The following MTUS1 variants were observed in gnomAD, a reference collection of about 807,000 sequenced individuals.
MTUS1 encodes microtubule-associated tumor suppressor 1.
A neutral mutation model predicts 120.8 loss-of-function variants in MTUS1; 109 were observed. The observed-to-expected ratio is 0.90, with a 90% CI of 0.77 to 1.06. MTUS1 has a LOEUF of 1.06. MTUS1 is among the 50% of genes least tolerant of loss of function. MTUS1 has a pLI of 0.00. For missense variants in MTUS1, 2,210 were observed against 1,486.3 expected, an observed-to-expected ratio of 1.49 and a Z score of -8.01; for synonymous variants, 737 against 550.5, an observed-to-expected ratio of 1.34 and a Z score of -4.74.
intron 6 of MTUS1, among the ~76,000 whole-genome samples, chr8:17,702,752 T>C (rs71526150): frequency 0.029 from 4,357 of 152,310 alleles, 67 homozygotes; most frequent in Middle Eastern, 0.048. Context: ...ATATATGCCA[T>C]ATTTGCTTTA....
At chr8:17,675,305 T>C (rs75674924) in intron 7 of MTUS1, 53 bp from the exon 8 acceptor site, 25,063 of 1,532,020 alleles carry the variant, frequency 0.016, 406 homozygotes, top group African/African-American at 0.064. Flanking sequence ...TCCCTTTCAG[T>C]AAGGTACACA....
At chr8:17,787,007 T>C (rs935897095) in intron 1 of MTUS1, among the ~76,000 whole-genome samples, 3 of 152,200 alleles carry the variant, frequency 2.0e-5, no homozygotes, top group South Asian at 2.1e-4. Flanking sequence ...TTGACAAGCA[T>C]TGTGGAGTGA....
chr8:17,687,585 G>A (rs1273813537), intron 6 of MTUS1, among the ~76,000 whole-genome samples: 1 of 152,086 alleles, frequency 6.6e-6, no homozygotes, highest in East Asian at 1.9e-4. Flanking sequence ...TGATTTTAAA[G>A]GGCCAATTTA....
chr8:17,678,662 G>GT (rs1272298479), intron 7 of MTUS1, among the ~76,000 whole-genome samples: 77 of 146,764 alleles, frequency 5.2e-4, no homozygotes, highest in African/African-American at 1.8e-3. Context: ...ATGCATCTAT[G>GT]TTTTTTTGTT....
At chr8:17,711,174 G>T (rs1303989195) in intron 6 of MTUS1, among the ~76,000 whole-genome samples, 1 of 152,204 alleles carries the variant, frequency 6.6e-6, no homozygotes, top group African/African-American at 2.4e-5. Flanking sequence ...ATTACCAGAA[G>T]TATTAGCTTC....
chr8:17,657,198 T>C (rs1302556367), intron 8 of MTUS1, among the ~76,000 whole-genome samples: 2 of 150,180 alleles, frequency 1.3e-5, no homozygotes, highest in African/African-American at 2.5e-5. Context: ...AGCACAAATA[T>C]CTTAGGGAAA....
chr8:17,753,164 A>G (rs1353255451), intron 2 of MTUS1, among the ~76,000 whole-genome samples: 1 of 152,164 alleles, frequency 6.6e-6, no homozygotes, highest in Non-Finnish European at 1.5e-5. Context: ...CAATCCTTTC[A>G]TCTTTGGGTC....
In MTUS1 at chr8:17,697,166, C is replaced by G. The variant is rs568921048; in HGVS notation, c.2624-12624G>C. ...GAGAGAGCTTTTTTCCTCCAATTAT[C>G]TGTCTCCTTGGAAAAACCTCTGATA... On this transcript the variant is annotated intron_variant, in intron 6 of 14. Transcript: ENST00000693296. 3.0e-4 allele frequency: 430 copies of G among 1,449,188 alleles called. 4 individuals carry two copies. The South Asian group carries it at 6.3e-3, about 21-fold the overall frequency. 89.8% of individuals were successfully genotyped at this position (1,449,188 alleles called of 1,614,324 possible).
chr8:17,689,399 G>A (rs1585710903), intron 6 of MTUS1, among the ~76,000 whole-genome samples: 1 of 152,102 alleles, frequency 6.6e-6, no homozygotes, highest in Admixed American at 6.6e-5. Flanking sequence ...GCAGATTAGA[G>A]AATAGAAAGC....
At chr8:17,744,869 C>T (rs1051131830) in intron 2 of MTUS1, among the ~76,000 whole-genome samples, 1 of 151,978 alleles carries the variant, frequency 6.6e-6, no homozygotes, top group Non-Finnish European at 1.5e-5. Flanking sequence ...AGCAGTAAAT[C>T]TTTGAATCCA....
intron 14 of MTUS1, among the ~76,000 whole-genome samples, chr8:17,646,595 TATATA>T (rs1172848151): frequency 4.6e-5 from 7 of 152,084 alleles, no homozygotes; most frequent in Non-Finnish European, 8.8e-5. Context: ...CTCAAAAAAA[TATATA>T]ATAATAACTG....
At chr8:17,683,995 CACAG>C (rs746819384) in intron 7 of MTUS1, among the ~76,000 whole-genome samples, 22 of 152,144 alleles carry the variant, frequency 1.4e-4, no homozygotes, top group African/African-American at 4.8e-4. Context: ...AAAAGCTACA[CACAG>C]ACAAACACAC....
intron 12 of MTUS1, among the ~76,000 whole-genome samples, chr8:17,652,311 A>G (rs1308809441): frequency 5.9e-5 from 9 of 152,238 alleles, no homozygotes; most frequent in African/African-American, 1.4e-4. Context: ...TCATCCATAA[A>G]AAGAAATGAA....
intron 3 of MTUS1, among the ~76,000 whole-genome samples, chr8:17,740,339 G>A (rs1358563970): frequency 6.6e-6 from 1 of 152,196 alleles, no homozygotes; most frequent in Non-Finnish European, 1.5e-5. Context: ...CTACTTAAGT[G>A]TTCTGAAAGG....
chr8:17,749,317 C>A (rs1378043913), intron 2 of MTUS1, among the ~76,000 whole-genome samples: 1 of 152,138 alleles, frequency 6.6e-6, no homozygotes, highest in Non-Finnish European at 1.5e-5. Context: ...CCCAGACATT[C>A]CTTTTTGTTG....
chr8:17,672,568 T>G (rs1812247737), intron 8 of MTUS1, among the ~76,000 whole-genome samples: 1 of 152,102 alleles, frequency 6.6e-6, no homozygotes, highest in South Asian at 2.1e-4. Context: ...GCCTTGAGAG[T>G]GTTCTTCCTG....
At chr8:17,726,266 T>G (rs552415951) in intron 3 of MTUS1, among the ~76,000 whole-genome samples, 1 of 152,346 alleles carries the variant, frequency 6.6e-6, no homozygotes, top group South Asian at 2.1e-4. Flanking sequence ...TCTGAAGCAC[T>G]GTTGAGAATC....
At chr8:17,653,528 A>G (rs780748519) in intron 10 of MTUS1, 30 bp from the exon 11 acceptor site, 35 of 1,507,678 alleles carry the variant, frequency 2.3e-5, no homozygotes, top group Non-Finnish European at 2.9e-5. Flanking sequence ...TTTTTGAGGC[A>G]ATAACATTCT....
chr8:17,697,041 TCAACACAAA>T (rs1174952205), intron 6 of MTUS1, among the ~76,000 whole-genome samples: 1 of 152,212 alleles, frequency 6.6e-6, no homozygotes, highest in Non-Finnish European at 1.5e-5. Context: ...CTGCCTTCCA[TCAACACAAA>T]CAACACAATC....
Sources: allele counts gnomAD v4.1 joint callset (sites outside exome capture counted in the v4.1 genomes callset), GRCh38; gene constraint gnomAD v4.1.1; transcripts MANE v1.5; gene names NCBI Gene and HGNC (gene_info 2026-07-23, HGNC 2026-07-21).